Variants in HCRTR2 observed in about 807,000 individuals in gnomAD.
The protein encoded by HCRTR2 is hypocretin receptor 2, also known as orexin receptor type 2.
A neutral mutation model predicts 49.0 loss-of-function variants in HCRTR2; 22 were observed. The ratio of observed to expected loss-of-function variants is 0.45; its 90% CI spans 0.32 to 0.64. The LOEUF (loss-of-function observed/expected upper bound fraction) is 0.64, where lower values mean the gene tolerates loss of function less well. HCRTR2 is among the 30% of genes least tolerant of loss of function. The pLI is 0.04. For missense variants in HCRTR2, 491 were observed against 559.4 expected, an observed-to-expected ratio of 0.88 and a Z score of 1.23; for synonymous variants, 236 against 205.3, an observed-to-expected ratio of 1.15 and a Z score of -1.28.
At chr6:55,140,052 C>A (rs1764485954) in intron 1 of HCRTR2, among the ~76,000 whole-genome samples, 1 of 152,104 alleles carries the variant, frequency 6.6e-6, no homozygotes, top group Non-Finnish European at 1.5e-5. Flanking sequence ...GGGATATGAA[C>A]ACACCCATGC....
At chr6:55,223,978 G>A (rs1357484276) in intron 1 of HCRTR2, among the ~76,000 whole-genome samples, 2 of 152,006 alleles carry the variant, frequency 1.3e-5, no homozygotes, top group African/African-American at 4.8e-5. Context: ...ATTTCTACAT[G>A]GGTGAATTTC....
At chr6:55,122,177 C>G (rs530579712) in intron 1 of HCRTR2, among the ~76,000 whole-genome samples, 127 of 152,186 alleles carry the variant, frequency 8.3e-4, no homozygotes, top group African/African-American at 2.9e-3. Context: ...CAACTTCTTC[C>G]TGGTTTAGTC....
chr6:55,245,775 T>A, intron 1 of HCRTR2, among the ~76,000 whole-genome samples: 1 of 151,786 alleles, frequency 6.6e-6, no homozygotes, highest in East Asian at 1.9e-4. Flanking sequence ...TGGAGAAGCA[T>A]AGGCTAGGGA....
chr6:55,201,182 A>G (rs1035721189), intron 1 of HCRTR2, among the ~76,000 whole-genome samples: 1 of 152,114 alleles, frequency 6.6e-6, no homozygotes, highest in Non-Finnish European at 1.5e-5. Context: ...AAGTGTAGGC[A>G]GGGAAAATAT....
chr6:55,146,187 C>T (rs1244855487), intron 1 of HCRTR2, among the ~76,000 whole-genome samples: 1 of 151,772 alleles, frequency 6.6e-6, no homozygotes, highest in Non-Finnish European at 1.5e-5. Flanking sequence ...TAGTGGAGAA[C>T]AATTATAAGA....
chr6:55,196,041 T>C (rs1357630121), intron 1 of HCRTR2, among the ~76,000 whole-genome samples: 1 of 152,190 alleles, frequency 6.6e-6, no homozygotes, highest in Non-Finnish European at 1.5e-5. Flanking sequence ...AAATTATTTT[T>C]AAAATAAAAT....
rs1766493372 is a variant in HCRTR2 at position 55,248,752 on chromosome 6, G to C, written c.337G>C (p.Val113Leu). Residue 113 changes from valine (V) to leucine (L), a missense_variant, in exon 2 of 7, where the codon GTC (valine) becomes CTC (leucine). Transcript: ENST00000370862. ...CATCACCTGCCTTCCAGCCACACTG[G>C]TCGTGGATATCACTGAGACCTGGTT... ...VTITCLPATL[V>L]VDITETWFFG... 1 of 1,613,528 alleles carries C rather than the reference G, an allele frequency of 6.2e-7. No homozygotes were observed. The highest frequency in any genetic ancestry group is 8.5e-7 in the Non-Finnish European group (1 of 1,179,586).
At chr6:55,195,471 C>T (rs990758177) in intron 1 of HCRTR2, among the ~76,000 whole-genome samples, 2 of 152,164 alleles carry the variant, frequency 1.3e-5, no homozygotes, top group East Asian at 1.9e-4. Context: ...TCCTGAACAT[C>T]TTAACAATGT....
intron 1 of HCRTR2, among the ~76,000 whole-genome samples, chr6:55,227,638 G>GT (rs1415294353): frequency 6.6e-6 from 1 of 152,136 alleles, no homozygotes; most frequent in African/African-American, 2.4e-5. Flanking sequence ...CATGAAAACT[G>GT]TATCAGTCTG....
intron 1 of HCRTR2, among the ~76,000 whole-genome samples, chr6:55,150,829 T>A (rs985265852): frequency 6.6e-6 from 1 of 152,020 alleles, no homozygotes; most frequent in Non-Finnish European, 1.5e-5. Flanking sequence ...AAATTCTGAT[T>A]TCAATTCCTT....
intron 6 of HCRTR2, among the ~76,000 whole-genome samples, chr6:55,281,686 T>C (rs1488145262): frequency 1.4e-5 from 2 of 144,768 alleles, no homozygotes; most frequent in South Asian, 2.1e-4. Flanking sequence ...TTCTACAGTA[T>C]TTTTCCCCCT....
At chr6:55,218,698 A>G (rs1171392343) in intron 1 of HCRTR2, among the ~76,000 whole-genome samples, 2 of 152,252 alleles carry the variant, frequency 1.3e-5, no homozygotes, top group Non-Finnish European at 2.9e-5. Flanking sequence ...GAGTCAATTC[A>G]CCAGAAAGAT....
intron 1 of HCRTR2, among the ~76,000 whole-genome samples, chr6:55,212,347 T>C (rs1254086849): frequency 6.6e-6 from 1 of 152,160 alleles, no homozygotes; most frequent in East Asian, 1.9e-4. Flanking sequence ...AATCCCAACT[T>C]TGTTCAAGTA....
Position 55,174,709 on chromosome 6 carries a change from G to T in HCRTR2, c.122G>T (p.Arg41Leu). The T allele has an allele frequency of 6.2e-7, 1 of 1,614,056 alleles. No individual in the cohort carries two copies. Among genetic ancestry groups the T allele is most frequent in the Non-Finnish European group, 8.5e-7 (1 of 1,180,006 alleles). The change falls in exon 1 of 7, where the codon CGG becomes CTG. Residue 41 changes from arginine to leucine, a missense_variant. By Grantham distance (102) the Arg-to-Leu change is moderately radical. Coordinates refer to ENST00000370862, the MANE Select transcript of HCRTR2 (RefSeq NM_001384272.1). ...PTDYDDEEFL[R>L]YLWREYLHPK... Reference sequence around the variant, plus strand: ...GACTATGACGACGAGGAATTCCTGCGGTACCTGTGGAGGGAATACCTGCAC... The same window carrying T: ...GACTATGACGACGAGGAATTCCTGCTGTACCTGTGGAGGGAATACCTGCAC...
chr6:55,195,122 T>A (rs982056487), intron 1 of HCRTR2, among the ~76,000 whole-genome samples: 5 of 151,764 alleles, frequency 3.3e-5, no homozygotes, highest in African/African-American at 1.2e-4. Context: ...AAAAAATGAA[T>A]GAAGAGGAAA....
chr6:55,263,331 T>TC (rs1237478247), intron 3 of HCRTR2, among the ~76,000 whole-genome samples: 2 of 152,098 alleles, frequency 1.3e-5, no homozygotes, highest in East Asian at 1.9e-4. Flanking sequence ...TTGATTCATG[T>TC]CCCTTTTTGT....
intron 1 of HCRTR2, among the ~76,000 whole-genome samples, chr6:55,197,413 G>A (rs557391229): frequency 2.0e-5 from 3 of 151,936 alleles, no homozygotes; most frequent in Admixed American, 6.6e-5. Flanking sequence ...ACTCTAACTC[G>A]AAGTCAAAAA....
At chr6:55,179,479 A>T (rs1051937640) in intron 1 of HCRTR2, among the ~76,000 whole-genome samples, 1 of 152,210 alleles carries the variant, frequency 6.6e-6, no homozygotes, top group Non-Finnish European at 1.5e-5. Context: ...AGTCTTACTT[A>T]GTAAAATAAA....
intron 1 of HCRTR2, among the ~76,000 whole-genome samples, chr6:55,119,178 A>T (rs1031921320): frequency 6.6e-6 from 1 of 151,946 alleles, no homozygotes; most frequent in African/African-American, 2.4e-5. Context: ...TTCTTTATTC[A>T]GTCTATCATT....
Sources: allele counts gnomAD v4.1 joint callset (sites outside exome capture counted in the v4.1 genomes callset), GRCh38; gene constraint gnomAD v4.1.1; transcripts MANE v1.5; gene names NCBI Gene and HGNC (gene_info 2026-07-23, HGNC 2026-07-21).